Variants in TPO observed in about 807,000 individuals in gnomAD.
The protein encoded by TPO is thyroid microsomal antigen.
In TPO, 78 loss-of-function variants were observed where a neutral mutation model predicts 96.9. The ratio of observed to expected loss-of-function variants is 0.81; its 90% CI spans 0.67 to 0.97. TPO has a LOEUF of 0.97. Ranked by LOEUF, TPO falls within the 50% of genes least tolerant of loss-of-function variation. The pLI is 0.00. For missense variants in TPO, 1,252 were observed against 1,274.8 expected, an observed-to-expected ratio of 0.98 and a Z score of 0.27; for synonymous variants, 547 against 538.0, an observed-to-expected ratio of 1.02 and a Z score of -0.23.
Position 1,537,002 on chromosome 2 carries a change from ATCCCCCCAC to A in TPO, c.2619-3590_2619-3582del, listed in dbSNP as rs1558439588. Among the ~76,000 whole-genome samples the A allele has an allele frequency of 8.7e-3, 227 of 26,176 alleles. 15 individuals are homozygous for A. Among genetic ancestry groups the A allele is most frequent in the South Asian group, 0.014 (7 of 514 alleles). The allele number at this position is 26,176 out of a possible 152,430, so 17.2% of individuals were successfully genotyped here. ...TCTCCCCCACTGTGTGCAACCTCAA[ATCCCCCCAC>A]TGTGTGCAACGTCCTCAAATACCCC... On this transcript the variant is annotated intron_variant, in intron 15 of 16. Coordinates refer to ENST00000329066, the MANE Select transcript of TPO (RefSeq NM_001206744.2).
chr2:1,541,301 ACGGCATGGGGCG>A, intron 16 of TPO: 2 of 611,458 alleles, frequency 3.3e-6, no homozygotes, highest in Admixed American at 5.1e-5. Flanking sequence ...GGTCTGCTGC[ACGGCATGGGGCG>A]CACGCTTCCT....
intron 15 of TPO, among the ~76,000 whole-genome samples, chr2:1,524,497 CTCCCACTGTGTGCAGCCT>C (rs1675967516): frequency 7.9e-6 from 1 of 126,796 alleles, no homozygotes; most frequent in Non-Finnish European, 1.6e-5. Flanking sequence ...TCCTCAAATC[CTCCCACTGTGTGCAGCCT>C]CCCCAAATCC....
At chr2:1,484,212 G>T (rs1670904144) in intron 8 of TPO, among the ~76,000 whole-genome samples, 1 of 152,178 alleles carries the variant, frequency 6.6e-6, no homozygotes, top group Non-Finnish European at 1.5e-5. Context: ...TCCTCACAAA[G>T]GCTCTGGGAA....
intron 15 of TPO, among the ~76,000 whole-genome samples, chr2:1,532,992 C>G (rs1324866477): frequency 6.9e-5 from 6 of 87,418 alleles, no homozygotes; most frequent in Admixed American, 3.4e-4. Flanking sequence ...ATCCCTCCCA[C>G]TGTGTGCAAC....
At chr2:1,530,541 A>G (rs1401397350) in intron 15 of TPO, among the ~76,000 whole-genome samples, 3 of 35,898 alleles carry the variant, frequency 8.4e-5, no homozygotes, top group Non-Finnish European at 1.5e-4. Context: ...ACCCCCCCAA[A>G]TCCCCCCCAT....
Position 1,405,670 on chromosome 2 carries a change from T to C in TPO, n.180+31268T>C, listed in dbSNP as rs1662240177. Among the ~76,000 whole-genome samples, 3 of 152,226 alleles carry C rather than the reference T, an allele frequency of 2.0e-5. No homozygotes were observed. In the South Asian group the frequency reaches 6.2e-4, roughly 32 times the overall value. On this transcript the variant is annotated intron_variant and non_coding_transcript_variant, in intron 1 of 5. Transcript: ENST00000497517. ...TCTCACAGATTCACCCCCAAGATTC[T>C]AATAGGGAATGTCTCCCACTCCACA...
chr2:1,393,854 C>T (rs1295478019), intron 1 of TPO, among the ~76,000 whole-genome samples: 7 of 152,222 alleles, frequency 4.6e-5, no homozygotes. Flanking sequence ...TATTTCACTT[C>T]TTCTTTACGC....
chr2:1,495,375 A>G (rs1305243927), intron 11 of TPO, among the ~76,000 whole-genome samples: 3 of 152,128 alleles, frequency 2.0e-5, no homozygotes, highest in African/African-American at 7.2e-5. Flanking sequence ...AACTATTTTC[A>G]TATTTTGAGA....
chr2:1,434,575 G>A (rs73908715), intron 4 of TPO, among the ~76,000 whole-genome samples: 4 of 152,118 alleles, frequency 2.6e-5, no homozygotes, highest in African/African-American at 4.8e-5. Context: ...CCACTGTCCT[G>A]TCAGGCCTCC....
At chr2:1,480,874 C>G (rs565714639) in intron 8 of TPO, among the ~76,000 whole-genome samples, 2 of 152,292 alleles carry the variant, frequency 1.3e-5, no homozygotes, top group Non-Finnish European at 2.9e-5. Context: ...TGTCAGGGCC[C>G]AACCACAGCC....
chr2:1,519,041 C>T (rs1302403071), intron 15 of TPO, among the ~76,000 whole-genome samples: 1 of 152,154 alleles, frequency 6.6e-6, no homozygotes, highest in African/African-American at 2.4e-5. Context: ...GACGGGAAGG[C>T]AGAGATCAGG....
intron 5 of TPO, among the ~76,000 whole-genome samples, chr2:1,451,687 A>G (rs960441450): frequency 6.6e-6 from 1 of 152,224 alleles, no homozygotes; most frequent in African/African-American, 2.4e-5. Flanking sequence ...TTGTTCCCAC[A>G]CGGGCGTGAC....
intron 6 of TPO, among the ~76,000 whole-genome samples, 198 bp downstream of exon 6, chr2:1,454,021 C>A (rs1667561096): frequency 6.6e-6 from 1 of 152,186 alleles, no homozygotes; most frequent in African/African-American, 2.4e-5. Context: ...AGATTGAAAT[C>A]TCTTAGTGAG....
intron 7 of TPO, among the ~76,000 whole-genome samples, chr2:1,471,133 A>G (rs947506226): frequency 1.3e-5 from 2 of 152,264 alleles, no homozygotes; most frequent in South Asian, 2.1e-4. Context: ...TTCTTTTACT[A>G]TGCTCAGGAT....
chr2:1,409,710 C>T (rs1290103376), upstream of TPO, among the ~76,000 whole-genome samples: 1 of 152,116 alleles, frequency 6.6e-6, no homozygotes, highest in Non-Finnish European at 1.5e-5. Context: ...CGTCGGGGGT[C>T]ATCAGGTCCC....
intron 9 of TPO, among the ~76,000 whole-genome samples, chr2:1,487,574 A>T (rs979053103): frequency 6.6e-6 from 1 of 152,160 alleles, no homozygotes; most frequent in African/African-American, 2.4e-5. Flanking sequence ...CTCTACTAAA[A>T]ATGCAAAAAG....
chr2:1,474,691 T>C (rs999477257), intron 7 of TPO, among the ~76,000 whole-genome samples: 32 of 152,228 alleles, frequency 2.1e-4, no homozygotes, highest in African/African-American at 7.7e-4. Flanking sequence ...GATCTGTTCT[T>C]CATTTTCCAA....
intron 1 of TPO, among the ~76,000 whole-genome samples, chr2:1,374,873 C>T (rs1026828656): frequency 6.6e-6 from 1 of 151,744 alleles, no homozygotes. Context: ...ACTACAGGCA[C>T]CCGCCACCAC....
At chr2:1,380,263 G>A (rs886981835) in intron 1 of TPO, among the ~76,000 whole-genome samples, 13 of 151,618 alleles carry the variant, frequency 8.6e-5, no homozygotes, top group Non-Finnish European at 1.6e-4. Flanking sequence ...GCGTGGTGGC[G>A]GGCGCCTGTA....
Sources: allele counts gnomAD v4.1 joint callset (sites outside exome capture counted in the v4.1 genomes callset), GRCh38; gene constraint gnomAD v4.1.1; transcripts MANE v1.5; gene names NCBI Gene and HGNC (gene_info 2026-07-23, HGNC 2026-07-21).